Variants in LCOR observed in about 807,000 individuals in gnomAD.
LCOR encodes ligand dependent nuclear receptor corepressor, also known as ligand-dependent corepressor.
A neutral mutation model predicts 64.4 loss-of-function variants in LCOR; 14 were observed. That is an observed-to-expected ratio of 0.22 (90% CI 0.14 to 0.34). The LOEUF (loss-of-function observed/expected upper bound fraction) is 0.34, where lower values mean the gene tolerates loss of function less well. Ranked by LOEUF, LCOR falls within the 10% of genes least tolerant of loss-of-function variation. The pLI is 1.00. For missense variants in LCOR, 1,686 were observed against 1,765.3 expected (o/e 0.96, Z 0.80); for synonymous variants, 643 against 642.5 (o/e 1.00, Z -0.01).
chr10:96,983,871 A>G lies in LCOR; in HGVS notation c.3411A>G (p.Arg1137=), dbSNP rs1376861122. The G allele has an allele frequency of 6.2e-7, 1 of 1,614,084 alleles. No homozygotes were observed. The highest frequency in any genetic ancestry group is 1.3e-5 in the African/African-American group (1 of 74,928). ...AGAAAGAAGGACAGCCAACACCAAG[A>G]GCAAGGAACAAATCAGATAAACTGA... The part of the protein sequence containing the change: ...QLEKEGQPTP[R]ARNKSDKLKE... The change falls in exon 8 of 8, where the codon AGA becomes AGG. Residue 1137 remains arginine (R), a synonymous_variant. Coordinates refer to ENST00000421806, the MANE Select transcript of LCOR (RefSeq NM_001346516.2). The surrounding 1 kb of genome is among the most constrained non-coding windows in gnomAD (Gnocchi z 4.5).
At chr10:96,922,691 C>T (rs1285673001) in intron 4 of LCOR, among the ~76,000 whole-genome samples, 3 of 152,040 alleles carry the variant, frequency 2.0e-5, no homozygotes, top group Non-Finnish European at 4.4e-5. Flanking sequence ...TTGCTTTTTT[C>T]GTTTAATGTT....
intron 2 of LCOR, among the ~76,000 whole-genome samples, chr10:96,878,737 A>T (rs1846211710): frequency 6.6e-6 from 1 of 152,026 alleles, no homozygotes; most frequent in South Asian, 2.1e-4. Flanking sequence ...ATGATTTCTC[A>T]TTTCGTCAAC....
chr10:96,890,084 T>C (rs1846412802), intron 2 of LCOR, among the ~76,000 whole-genome samples: 2 of 152,078 alleles, frequency 1.3e-5, no homozygotes, highest in Non-Finnish European at 2.9e-5. Context: ...ATTTTCTTTG[T>C]ATGCGTGTAG....
chr10:96,946,664 A>G (rs928813269), intron 5 of LCOR, among the ~76,000 whole-genome samples: 1 of 152,102 alleles, frequency 6.6e-6, no homozygotes, highest in East Asian at 1.9e-4. Flanking sequence ...AATCTGTTCA[A>G]TAAACTTCCA....
At chr10:96,872,434 T>C (rs1445712171) in intron 2 of LCOR, among the ~76,000 whole-genome samples, 1 of 152,186 alleles carries the variant, frequency 6.6e-6, no homozygotes, top group Non-Finnish European at 1.5e-5. Context: ...GGCTCACACC[T>C]GTAGTCCTGG....
At chr10:96,869,883 G>T (rs1438248350) in intron 2 of LCOR, among the ~76,000 whole-genome samples, 1 of 151,994 alleles carries the variant, frequency 6.6e-6, no homozygotes, top group Non-Finnish European at 1.5e-5. Context: ...CAGGATCTCA[G>T]TTCTTCTTAA....
At chr10:96,861,753 C>G (rs1387505093) in intron 2 of LCOR, among the ~76,000 whole-genome samples, 1 of 152,114 alleles carries the variant, frequency 6.6e-6, no homozygotes, top group Admixed American at 6.6e-5. Context: ...GCCATGTTGG[C>G]CAGGCTGGTC....
chr10:96,961,389 AT>A (rs1270506975), intron 7 of LCOR: 1 of 152,108 alleles, frequency 6.6e-6, no homozygotes, highest in Non-Finnish European at 1.5e-5. Context: ...TATTATTTGA[AT>A]GTGGAAATGA....
At chr10:96,885,963 C>T (rs773980849) in intron 2 of LCOR, among the ~76,000 whole-genome samples, 2 of 152,000 alleles carry the variant, frequency 1.3e-5, no homozygotes, top group Non-Finnish European at 2.9e-5. Context: ...CTGCAACCTC[C>T]GCCTCCCAGG....
At chr10:96,883,555 G>C (rs1378525623) in intron 2 of LCOR, among the ~76,000 whole-genome samples, 1 of 152,166 alleles carries the variant, frequency 6.6e-6, no homozygotes, top group Admixed American at 6.5e-5. Context: ...ATAGTTGCAT[G>C]GTTGTATCTC....
intron 2 of LCOR, among the ~76,000 whole-genome samples, chr10:96,859,044 G>C (rs1346357324): frequency 6.6e-6 from 1 of 152,122 alleles, no homozygotes; most frequent in African/African-American, 2.4e-5. Flanking sequence ...ACCCAACTCA[G>C]GTTAGTTTAA....
intron 4 of LCOR, among the ~76,000 whole-genome samples, chr10:96,926,930 C>A (rs1474695870): frequency 6.6e-6 from 1 of 151,990 alleles, no homozygotes; most frequent in Non-Finnish European, 1.5e-5. Flanking sequence ...TTTATCATTT[C>A]ACTTTTTTAT....
At chr10:96,957,949 A>G in intron 7 of LCOR, 1 of 987,036 alleles carries the variant, frequency 1.0e-6, no homozygotes, top group South Asian at 4.7e-5. Context: ...ATATTTTGTC[A>G]CCTAGCTGGA....
rs1469152656 is a variant in LCOR, at chr10:96,965,525, G to A, written c.332+13329G>A. 2.7e-5 allele frequency among the ~76,000 whole-genome samples: 4 copies of A among 150,594 alleles called. No individual in the cohort carries two copies. The South Asian group carries it at 6.3e-4, about 24-fold the overall frequency. ...AAAATACAAAAAATTAGCCGGGCGT[G>A]GTGGCGGGCGCCTGTAGTCCCAGCT... On this transcript the variant is annotated intron_variant, in intron 7 of 7. Transcript: ENST00000421806.
chr10:96,898,000 A>G (rs1240462179), intron 2 of LCOR, among the ~76,000 whole-genome samples: 1 of 151,798 alleles, frequency 6.6e-6, no homozygotes, highest in Non-Finnish European at 1.5e-5. Context: ...AGTTAATTAT[A>G]ATGATGTAGG....
At chr10:96,935,394 C>G (rs889775184) in intron 4 of LCOR, among the ~76,000 whole-genome samples, 3 of 151,884 alleles carry the variant, frequency 2.0e-5, no homozygotes, top group East Asian at 3.9e-4. Flanking sequence ...GGTGATCAGC[C>G]TGCCTTGGCC....
rs1165102673 is a variant in LCOR, at chr10:96,995,940, ACTT to A, written c.*10810_*10812del. 1 of 152,178 alleles carries A rather than the reference ACTT, an allele frequency of 6.6e-6. No homozygotes were observed. Among genetic ancestry groups the A allele is most frequent in the Non-Finnish European group, 1.5e-5 (1 of 68,036 alleles). 9.4% of individuals were successfully genotyped at this position (152,178 alleles called of 1,614,324 possible). On this transcript the variant is annotated 3_prime_UTR_variant, in exon 8 of 8. Transcript: ENST00000421806. This position sits in a 1 kb window ranked among gnomAD's most constrained non-coding sequence, Gnocchi z 4.2. ...CGCTTATTTTATGGCAGCGTATTAAACTTCTTTGATATTCAAGTGTGTCTGTGT... is the reference window on the plus strand; with the variant it reads ...CGCTTATTTTATGGCAGCGTATTAAACTTTGATATTCAAGTGTGTCTGTGT...
At chr10:96,919,477 A>C (rs1847011355) in intron 4 of LCOR, among the ~76,000 whole-genome samples, 1 of 151,742 alleles carries the variant, frequency 6.6e-6, no homozygotes, top group African/African-American at 2.4e-5. Context: ...CATTTTCTTC[A>C]TGGATTGTAT....
intron 7 of LCOR, among the ~76,000 whole-genome samples, chr10:96,979,583 G>A (rs571753002): frequency 6.6e-4 from 100 of 152,296 alleles, no homozygotes; most frequent in African/African-American, 2.3e-3. Flanking sequence ...GATTGTAAAA[G>A]GTGTATTGAA....
Sources: gnomAD v4.1 joint callset for allele counts (sites outside exome capture counted in the v4.1 genomes callset) on GRCh38, gnomAD v4.1.1 for gene constraint, Gnocchi (gnomAD v3.1) non-coding constraint, MANE v1.5 for transcripts, NCBI Gene and HGNC (gene_info 2026-07-23, HGNC 2026-07-21) for gene names.